Variants in AK9 observed in about 807,000 individuals in gnomAD.
AK9 encodes the protein adenylate kinase 9.
In AK9, 191 loss-of-function variants were observed where a neutral mutation model predicts 239.6. The observed-to-expected ratio is 0.80, with a 90% CI of 0.71 to 0.90. The LOEUF (loss-of-function observed/expected upper bound fraction) is 0.90, where lower values mean the gene tolerates loss of function less well. AK9 is among the 40% of genes least tolerant of loss of function. The probability of loss-of-function intolerance (pLI) is 0.00; values close to 1 mark genes in which losing one functional copy is unlikely to be tolerated. For synonymous variants in AK9, 689 were observed against 721.0 expected (o/e 0.96, Z 0.71); for missense variants, 1,995 against 2,214.7 (o/e 0.90, Z 1.99).
chr6:109,632,656 G>A (rs776787674), intron 12 of AK9: 1 of 714,782 alleles, frequency 1.4e-6, no homozygotes, highest in Non-Finnish European at 1.9e-6. Context: ...AGGTGGCAGA[G>A]TCTGAATGAC....
Position 109,497,362 on chromosome 6 carries a change from A to ACACACACACACTCT in AK9, c.5315+102_5315+103insAGAGTGTGTGTGTG, listed in dbSNP as rs1554230922. On this transcript the variant is annotated intron_variant, in intron 38 of 40. Transcript: ENST00000424296. ...CACACACACACACACACACACACAC[A>ACACACACACACTCT]CTCTCTCTCTCTCTCTCTCTCTCAC... 45 of 500,584 alleles carry ACACACACACACTCT rather than the reference A, an allele frequency of 9.0e-5. No individual in the cohort carries two copies. In the African/African-American group the frequency reaches 1.1e-3, roughly 12 times the overall value. The allele number at this position is 500,584 out of a possible 1,614,324, so 31.0% of individuals were successfully genotyped here.
In AK9 at chr6:109,687,086, T is replaced by C. The variant is rs1353259546; in HGVS notation, c.-12+4061A>G. 2.0e-5 allele frequency among the ~76,000 whole-genome samples: 3 copies of C among 152,172 alleles called. 1 individual carries two copies. In the East Asian group the frequency reaches 5.8e-4, roughly 29 times the overall value. On this transcript the variant is annotated intron_variant, in intron 1 of 40. Transcript: ENST00000424296. ...AATCACAATATACTGGTAAAAGCTG[T>C]AAATGTAATGCTTCCAGACATGAGT...
chr6:109,569,693 T>C (rs957411329), intron 21 of AK9, among the ~76,000 whole-genome samples: 4 of 152,222 alleles, frequency 2.6e-5, no homozygotes, highest in African/African-American at 7.2e-5. Context: ...TCATTATTAC[T>C]GGCCGTCAGA....
chr6:109,639,929 G>C (rs990447270), intron 10 of AK9, among the ~76,000 whole-genome samples: 1 of 152,000 alleles, frequency 6.6e-6, no homozygotes, highest in African/African-American at 2.4e-5. Flanking sequence ...TTCTTGTTTT[G>C]GTTAGGTTTG....
intron 6 of AK9, 97 bp from the exon 7 acceptor site, chr6:109,659,510 A>T: frequency 7.2e-7 from 1 of 1,383,996 alleles, no homozygotes. Flanking sequence ...ATAAACCAAA[A>T]AATTCCTTTA....
At chr6:109,654,491 C>T (rs1016395521) in intron 8 of AK9, among the ~76,000 whole-genome samples, 4 of 151,982 alleles carry the variant, frequency 2.6e-5, no homozygotes, top group African/African-American at 7.3e-5. Flanking sequence ...ACCACCATGC[C>T]CGGCTGTTTT....
At chr6:109,576,154 G>A (rs1020798233) in intron 20 of AK9, among the ~76,000 whole-genome samples, 2 of 151,978 alleles carry the variant, frequency 1.3e-5, no homozygotes, top group Admixed American at 1.3e-4. Flanking sequence ...GGCTATGTGG[G>A]ATCTTTTTGT....
At chr6:109,572,173 C>T (rs1004026251) in intron 21 of AK9, among the ~76,000 whole-genome samples, 2 of 152,102 alleles carry the variant, frequency 1.3e-5, no homozygotes, top group Non-Finnish European at 1.5e-5. Context: ...AATGAATGTG[C>T]GCCTAGGCAT....
intron 24 of AK9, among the ~76,000 whole-genome samples, chr6:109,556,578 T>C (rs1467911288): frequency 6.6e-6 from 1 of 152,196 alleles, no homozygotes; most frequent in Non-Finnish European, 1.5e-5. Context: ...GAAGTTCTCC[T>C]GGATAATATC....
intron 24 of AK9, among the ~76,000 whole-genome samples, chr6:109,558,002 T>C (rs1405765821): frequency 6.6e-6 from 1 of 152,212 alleles, no homozygotes; most frequent in Non-Finnish European, 1.5e-5. Flanking sequence ...AGGTTGAACA[T>C]CTTTTCATGT....
intron 21 of AK9, among the ~76,000 whole-genome samples, chr6:109,571,976 G>C (rs1787468455): frequency 6.6e-6 from 1 of 152,106 alleles, no homozygotes; most frequent in Non-Finnish European, 1.5e-5. Flanking sequence ...TTCCATCCTA[G>C]ACTTACTGAA....
At chr6:109,507,985 T>C (rs543536024) in intron 33 of AK9, among the ~76,000 whole-genome samples, 2 of 152,362 alleles carry the variant, frequency 1.3e-5, no homozygotes, top group East Asian at 3.9e-4. Context: ...TTTCTGTACA[T>C]CATTTCCCTT....
intron 27 of AK9, among the ~76,000 whole-genome samples, chr6:109,540,078 T>C (rs6920292): frequency 0.37 from 56,027 of 152,018 alleles, 11,097 homozygotes; most frequent in East Asian, 0.57. Context: ...GCAGTCTGTC[T>C]GTTCTCAGAT....
chr6:109,646,046 ACAT>A (rs535602465), intron 8 of AK9, among the ~76,000 whole-genome samples: 137 of 152,324 alleles, frequency 9.0e-4, no homozygotes, highest in Non-Finnish European at 1.8e-3. Context: ...AGTAGCATCA[ACAT>A]CAACAAAAAG....
chr6:109,607,945 G>A (rs185464649), intron 17 of AK9, among the ~76,000 whole-genome samples: 8 of 152,124 alleles, frequency 5.3e-5, no homozygotes, highest in Admixed American at 5.2e-4. Context: ...ATAGGGTGCT[G>A]AAGGATTCAC....
chr6:109,529,384 G>A lies in AK9; in HGVS notation c.3571-311C>T, dbSNP rs569722032. Among the ~76,000 whole-genome samples, 23 of 152,156 alleles carry A rather than the reference G, an allele frequency of 1.5e-4. No individual in the cohort carries two copies. In the South Asian group the frequency reaches 4.6e-3, roughly 30 times the overall value. On this transcript the variant is annotated intron_variant, in intron 28 of 40. Coordinates refer to ENST00000424296, the MANE Select transcript of AK9 (RefSeq NM_001145128.3). ...GTTTGGTTTTGGTGGCAGGAAATAGGGAAATACGTGGAGGCAATTCACTGA... is the reference window on the plus strand; with the variant it reads ...GTTTGGTTTTGGTGGCAGGAAATAGAGAAATACGTGGAGGCAATTCACTGA...
chr6:109,588,414 T>C (rs1041804861), intron 17 of AK9, among the ~76,000 whole-genome samples: 1 of 152,220 alleles, frequency 6.6e-6, no homozygotes, highest in Non-Finnish European at 1.5e-5. Context: ...TGTCTGTTCA[T>C]GTCCTTGGCC....
At chr6:109,509,506 GT>G in intron 32 of AK9, 126 bp from the exon 33 acceptor site, 1 of 839,934 alleles carries the variant, frequency 1.2e-6, no homozygotes, top group Non-Finnish European at 1.8e-6. Flanking sequence ...TGTCCCCCAA[GT>G]AGCAAACATA....
At chr6:109,665,965 T>C (rs989840528) in intron 5 of AK9, among the ~76,000 whole-genome samples, 3 of 152,234 alleles carry the variant, frequency 2.0e-5, no homozygotes, top group African/African-American at 7.2e-5. Context: ...TGCAACTGTT[T>C]GCAGGAATGC....
Sources: allele counts gnomAD v4.1 joint callset (sites outside exome capture counted in the v4.1 genomes callset), GRCh38; gene constraint gnomAD v4.1.1; transcripts MANE v1.5; gene names NCBI Gene and HGNC (gene_info 2026-07-23, HGNC 2026-07-21).